Variants in DUSP12 observed in about 807,000 individuals in gnomAD.
The protein encoded by DUSP12 is dual specificity protein phosphatase 12.
Under a neutral mutation model 38.9 loss-of-function variants are expected in DUSP12, and 25 were observed. That is an observed-to-expected ratio of 0.64 (90% CI 0.47 to 0.90). The LOEUF is 0.90. Ranked by LOEUF, DUSP12 falls within the 40% of genes least tolerant of loss-of-function variation. The pLI is 0.00. For missense variants in DUSP12, 403 were observed against 427.0 expected, an observed-to-expected ratio of 0.94 and a Z score of 0.50; for synonymous variants, 153 against 153.9, an observed-to-expected ratio of 0.99 and a Z score of 0.05.
rs780349599 is a variant in DUSP12, at chr1:161,753,257, G to C, written c.857G>C (p.Gly286Ala). ...MESALLGVMDGQLLCPKCSAK... is the reference protein window; with the variant it reads ...MESALLGVMDAQLLCPKCSAK... ...TCTGCTTTGTTGGGAGTGATGGATG[G>C]ACAGGTGAGAACACATTTTATTTTC... is the stretch of plus-strand genomic sequence containing the variant. The change falls in exon 5 of 6, where the codon GGA becomes GCA. Residue 286 changes from glycine to alanine, a missense_variant. By Grantham distance (60) the Gly-to-Ala change is moderately conservative. Transcript: ENST00000367943. The C allele has an allele frequency of 6.9e-6, 11 of 1,593,000 alleles. 1 individual carries two copies. In the South Asian group the frequency reaches 1.3e-4, roughly 18 times the overall value.
intron 5 of DUSP12, 104 bp downstream of exon 5, chr1:161,753,365 ATTTC>A: frequency 1.1e-6 from 1 of 941,242 alleles, no homozygotes; most frequent in South Asian, 2.5e-5. Context: ...CCATTTCTTA[ATTTC>A]TTTATTTCTG....
chr1:161,753,343 T>A (rs1389836277), intron 5 of DUSP12, 82 bp downstream of exon 5: 4 of 1,162,608 alleles, frequency 3.4e-6, no homozygotes, highest in African/African-American at 3.2e-5. Context: ...CTATTTTAAC[T>A]AGTGTTTTGC....
At chr1:161,753,477 C>T in intron 5 of DUSP12, 1 of 339,210 alleles carries the variant, frequency 2.9e-6, no homozygotes, top group Non-Finnish European at 5.2e-6. Flanking sequence ...GGTTGAGAGC[C>T]CTGGTCTAAG....
chr1:161,750,223 G>T (rs1213516019), intron 1 of DUSP12, 78 bp downstream of exon 1: 5 of 1,481,626 alleles, frequency 3.4e-6, no homozygotes, highest in Non-Finnish European at 4.6e-6. Flanking sequence ...TTCCGAGGCC[G>T]TCGGGAGGAC....
rs138579064 is a variant in DUSP12 at position 161,749,909 on chromosome 1, C to A, written c.108C>A (p.Phe36Leu). 5 of 1,613,646 alleles carry A rather than the reference C, an allele frequency of 3.1e-6. 1 individual carries two copies. The highest frequency in any genetic ancestry group is 2.2e-5 in the South Asian group (2 of 91,050). The change falls in exon 1 of 6, where the codon TTC becomes TTA. Residue 36 changes from phenylalanine (F) to leucine (L), a missense_variant. Transcript: ENST00000367943. The stretch of plus-strand genomic sequence containing the variant: ...TGGAAGTGCAGCCAGGATTGTATTT[C>A]GGTGGGGCCGCGGCCGTCGCGGAGC... ...QMLEVQPGLY[F>L]GGAAAVAEPD...
At position 161,752,419 on chromosome 1, in the gene DUSP12, C is replaced by CA; in HGVS notation, c.630dup (p.Gln211ThrfsTer6). ...TTTGCTGTTGACCCAACTACCGTTT[C>CA]ACAAGGATTGAAAGATGAGGTTCTC... is the stretch of plus-strand genomic sequence containing the variant. On this transcript the variant is annotated frameshift_variant, in exon 4 of 6. Transcript: ENST00000367943. LOFTEE classifies it high-confidence loss of function. 1 of 1,613,076 alleles carries CA rather than the reference C, an allele frequency of 6.2e-7. No individual in the cohort carries two copies. The highest frequency in any genetic ancestry group is 1.7e-4 in the Middle Eastern group (1 of 6,056).
At chr1:161,756,439 G>C (rs1296999239) in intron 5 of DUSP12, among the ~76,000 whole-genome samples, 1 of 146,594 alleles carries the variant, frequency 6.8e-6, no homozygotes, top group East Asian at 2.0e-4. Context: ...CTTTAGCCGT[G>C]ATCATTTTCA....
intron 3 of DUSP12, among the ~76,000 whole-genome samples, 161 bp from the exon 4 acceptor site, chr1:161,752,207 C>G (rs115404233): frequency 6.6e-6 from 1 of 152,026 alleles, no homozygotes; most frequent in Non-Finnish European, 1.5e-5. Context: ...AATCACTGTC[C>G]TCTCCTACCT....
chr1:161,754,930 A>C lies in DUSP12; in HGVS notation c.861+1669A>C, dbSNP rs182358634. On this transcript the variant is annotated intron_variant, in intron 5 of 5. Coordinates refer to ENST00000367943, the MANE Select transcript of DUSP12 (RefSeq NM_007240.3). ...ACCACAACCTCTGCCTCCCGGGTTC[A>C]AGTGATTCTCCTGCTTCAGCCTCCT... is the stretch of plus-strand genomic sequence containing the variant. Among the ~76,000 whole-genome samples the C allele has an allele frequency of 2.4e-3, 362 of 152,278 alleles. 2 individuals carry two copies. The highest frequency in any genetic ancestry group is 8.3e-3 in the African/African-American group (345 of 41,544).
chr1:161,750,173 GC>G, intron 1 of DUSP12, 28 bp downstream of exon 1: 1 of 1,581,670 alleles, frequency 6.3e-7, no homozygotes, highest in Non-Finnish European at 8.6e-7. Context: ...TGGGTGACGT[GC>G]CCCGCCAAGC....
At chr1:161,753,305 T>C in intron 5 of DUSP12, 44 bp downstream of exon 5, 1 of 1,422,134 alleles carries the variant, frequency 7.0e-7, no homozygotes, top group Non-Finnish European at 9.4e-7. Context: ...TTATGATCTA[T>C]ATTTTATTCC....
intron 1 of DUSP12, among the ~76,000 whole-genome samples, 184 bp downstream of exon 1, chr1:161,750,329 G>A (rs191401936): frequency 6.6e-6 from 1 of 152,388 alleles, no homozygotes; most frequent in East Asian, 1.9e-4. Flanking sequence ...CCCCTGGTGT[G>A]TGCAGGCTTT....
chr1:161,751,713 C>T lies in DUSP12; in HGVS notation c.390C>T (p.Leu130=). 6.2e-7 allele frequency: 1 copy of T among 1,613,458 alleles called. No homozygotes were observed. Among genetic ancestry groups the T allele is most frequent in the Non-Finnish European group, 8.5e-7 (1 of 1,179,812 alleles). Residue 130 remains leucine, a synonymous_variant, in exon 2 of 6, where the codon CTC becomes CTT. Transcript: ENST00000367943. ...SRSVAIITAF[L]MKTDQLPFEK... ...GTGTGGCCATAATAACTGCTTTTCT[C>T]ATGAAGACTGACCAACTTCCCTTTG...
At chr1:161,754,255 G>A (rs902058914) in intron 5 of DUSP12, among the ~76,000 whole-genome samples, 1 of 152,046 alleles carries the variant, frequency 6.6e-6, no homozygotes, top group East Asian at 1.9e-4. Context: ...TTGTGCATGA[G>A]GAAACTGTTT....
intron 4 of DUSP12, 107 bp from the exon 5 acceptor site, chr1:161,752,968 C>T (rs995084831): frequency 8.8e-5 from 102 of 1,163,062 alleles, no homozygotes; most frequent in Admixed American, 1.2e-4. Flanking sequence ...CTAGCATGGG[C>T]GACAGAGTGA....
rs773286063 is a variant in DUSP12 at position 161,751,973 on chromosome 1, A to C, written c.566A>C (p.Glu189Ala). 4 of 1,604,190 alleles carry C rather than the reference A, an allele frequency of 2.5e-6. No homozygotes were observed. Among genetic ancestry groups the C allele is most frequent in the Non-Finnish European group, 3.4e-6 (4 of 1,173,610 alleles). Residue 189 changes from glutamate to alanine, a missense_variant, in exon 3 of 6, where the codon GAG (glutamate) becomes GCG (alanine). By Grantham distance (107) the Glu-to-Ala change is moderately radical. Coordinates refer to ENST00000367943, the MANE Select transcript of DUSP12 (RefSeq NM_007240.3). ...CAATATCGTTTACAAAAGGTTACAG[A>C]GAAGTATCCAGGTAAGTAATAATTG... is the stretch of plus-strand genomic sequence containing the variant. ...YKQYRLQKVT[E>A]KYPELQNLPQ...
intron 2 of DUSP12, 27 bp from the exon 3 acceptor site, chr1:161,751,839 A>G: frequency 6.2e-7 from 1 of 1,602,186 alleles, no homozygotes; most frequent in Non-Finnish European, 8.5e-7. Flanking sequence ...TAAGAAAATG[A>G]AACTTTATAT....
chr1:161,753,387 T>C, intron 5 of DUSP12, 126 bp downstream of exon 5: 3 of 847,386 alleles, frequency 3.5e-6, no homozygotes, highest in Non-Finnish European at 5.1e-6. Flanking sequence ...CTGAAGATTA[T>C]ATCTTTCTAG....
chr1:161,756,603 A>G (rs1303425740), intron 5 of DUSP12, among the ~76,000 whole-genome samples, 183 bp from the exon 6 acceptor site: 5 of 151,126 alleles, frequency 3.3e-5, no homozygotes, highest in African/African-American at 9.7e-5. Flanking sequence ...CATTCTTCCT[A>G]TGAGATAATT....
Sources: allele counts gnomAD v4.1 joint callset (sites outside exome capture counted in the v4.1 genomes callset), GRCh38; gene constraint gnomAD v4.1.1; transcripts MANE v1.5; gene names NCBI Gene and HGNC (gene_info 2026-07-23, HGNC 2026-07-21).